Variants in ROBO2 observed in about 807,000 individuals in gnomAD.
ROBO2 encodes the protein roundabout guidance receptor 2.
In ROBO2, 53 loss-of-function variants were observed where a neutral mutation model predicts 160.8. The ratio of observed to expected loss-of-function variants is 0.33; its 90% CI spans 0.26 to 0.41. The LOEUF (loss-of-function observed/expected upper bound fraction) is 0.41. ROBO2 is among the 10% of genes least tolerant of loss of function. The pLI is 1.00. For synonymous variants in ROBO2, 664 were observed against 611.7 expected (o/e 1.09, Z -1.26); for missense variants, 1,577 against 1,722.4 (o/e 0.92, Z 1.49).
chr3:76,029,165 G>GT (rs538033845), intron 2 of ROBO2, among the ~76,000 whole-genome samples: 371 of 151,960 alleles, frequency 2.4e-3, no homozygotes, highest in African/African-American at 8.4e-3. Flanking sequence ...AATATATTTA[G>GT]TTTTTTTGTT....
At chr3:77,060,758 A>C (rs1323979094) in intron 1 of ROBO2, among the ~76,000 whole-genome samples, 4 of 152,168 alleles carry the variant, frequency 2.6e-5, no homozygotes, top group African/African-American at 7.2e-5. Flanking sequence ...ACAGAAGCAA[A>C]GAAACTGAAA....
intron 2 of ROBO2, among the ~76,000 whole-genome samples, chr3:77,213,962 G>GT (rs1304218780): frequency 6.6e-6 from 1 of 152,030 alleles, no homozygotes; most frequent in African/African-American, 2.4e-5. Context: ...TATCATTTCT[G>GT]TTTTTTTACA....
intron 2 of ROBO2, among the ~76,000 whole-genome samples, chr3:76,407,419 A>G (rs1208478221): frequency 1.3e-5 from 2 of 151,974 alleles, no homozygotes; most frequent in Non-Finnish European, 2.9e-5. Flanking sequence ...TTTTTAATTA[A>G]GTCACCAGTG....
chr3:77,014,129 A>C (rs762886465), intron 2 of ROBO2, among the ~76,000 whole-genome samples: 1 of 151,172 alleles, frequency 6.6e-6, no homozygotes, highest in African/African-American at 2.4e-5. Flanking sequence ...CAGTTGTGTG[A>C]AATCTCATTT....
intron 2 of ROBO2, among the ~76,000 whole-genome samples, chr3:77,291,160 T>G (rs2061179993): frequency 1.4e-5 from 2 of 138,208 alleles, no homozygotes; most frequent in Admixed American, 7.5e-5. Flanking sequence ...AACGGGAAGT[T>G]GAGGCTAGAA....
chr3:77,436,392 G>A (rs1311661713), intron 2 of ROBO2, among the ~76,000 whole-genome samples: 1 of 151,662 alleles, frequency 6.6e-6, no homozygotes, highest in African/African-American at 2.4e-5. Flanking sequence ...AACCAGAGGT[G>A]GGTAATGTTG....
At chr3:76,030,648 G>A (rs891988311) in intron 2 of ROBO2, among the ~76,000 whole-genome samples, 5 of 152,104 alleles carry the variant, frequency 3.3e-5, no homozygotes, top group African/African-American at 1.2e-4. Context: ...TCTTGTATTT[G>A]TCAGGTTTGT....
chr3:77,587,576 C>T (rs190853187), intron 16 of ROBO2, among the ~76,000 whole-genome samples: 51 of 152,080 alleles, frequency 3.4e-4, no homozygotes, highest in African/African-American at 1.2e-3. Flanking sequence ...ATGAAGTAGA[C>T]AATACTGGTG....
At chr3:77,498,002 C>T (rs554280371) in intron 5 of ROBO2, among the ~76,000 whole-genome samples, 2 of 151,638 alleles carry the variant, frequency 1.3e-5, no homozygotes, top group Admixed American at 1.3e-4. Context: ...AAAAAAAATC[C>T]CTCTCAGAAC....
At chr3:77,453,704 C>T (rs2081337714) in intron 2 of ROBO2, among the ~76,000 whole-genome samples, 1 of 151,956 alleles carries the variant, frequency 6.6e-6, no homozygotes, top group Non-Finnish European at 1.5e-5. Flanking sequence ...TTGTTTAGTC[C>T]TAGTTTTTGT....
intron 19 of ROBO2, among the ~76,000 whole-genome samples, chr3:77,600,977 A>G (rs2094418388): frequency 6.6e-6 from 1 of 152,176 alleles, no homozygotes; most frequent in South Asian, 2.1e-4. Flanking sequence ...TCTTAAGTAC[A>G]TATCCGCTCA....
chr3:76,401,969 A>G (rs2077849021), intron 2 of ROBO2, among the ~76,000 whole-genome samples: 2 of 151,500 alleles, frequency 1.3e-5, no homozygotes, highest in African/African-American at 4.8e-5. Context: ...TTTGATCAGT[A>G]CGAGAGGATA....
intron 2 of ROBO2, among the ~76,000 whole-genome samples, chr3:76,022,254 C>G (rs1282085379): frequency 1.3e-5 from 2 of 151,758 alleles, no homozygotes; most frequent in Non-Finnish European, 3.0e-5. Context: ...AAGAGTTAAA[C>G]CCCTCAAAGT....
chr3:77,356,119 G>A (rs1237380953), intron 2 of ROBO2, among the ~76,000 whole-genome samples: 1 of 152,140 alleles, frequency 6.6e-6, no homozygotes, highest in Non-Finnish European at 1.5e-5. Flanking sequence ...ATATGTAAAT[G>A]TTGGTTTATT....
At position 76,711,737 on chromosome 3, in the gene ROBO2, CACTT is replaced by C. The variant is rs1017551576; in HGVS notation, c.110-386274_110-386271del. On this transcript the variant is annotated intron_variant, in intron 2 of 26. Transcript: ENST00000487694. The stretch of plus-strand genomic sequence containing the variant: ...TTTCATCATGCACCATGCTGCTTCT[CACTT>C]ACCTGTCATGAAAGCACTCTTTCTG... Among the ~76,000 whole-genome samples, 44 of 152,246 alleles carry C rather than the reference CACTT, an allele frequency of 2.9e-4. 1 individual carries two copies. The highest frequency in any genetic ancestry group is 1.9e-3 in the South Asian group (9 of 4,826).
intron 2 of ROBO2, among the ~76,000 whole-genome samples, chr3:76,231,033 C>T (rs532341949): frequency 1.4e-4 from 22 of 152,142 alleles, no homozygotes; most frequent in Admixed American, 3.3e-4. Context: ...CCTCAGAGCC[C>T]GCGGAAAGAA....
At chr3:77,454,149 T>C (rs1342118698) in intron 2 of ROBO2, among the ~76,000 whole-genome samples, 3 of 151,920 alleles carry the variant, frequency 2.0e-5, no homozygotes, top group African/African-American at 7.3e-5. Flanking sequence ...CTTGCCGGTT[T>C]ATGGTACAAA....
At chr3:77,370,458 T>G (rs1006661922) in intron 2 of ROBO2, among the ~76,000 whole-genome samples, 2 of 152,192 alleles carry the variant, frequency 1.3e-5, no homozygotes, top group African/African-American at 4.8e-5. Context: ...GTTGCCACTC[T>G]CTCTCATTCT....
intron 20 of ROBO2, among the ~76,000 whole-genome samples, chr3:77,605,329 G>A (rs1226708526): frequency 6.6e-6 from 1 of 152,032 alleles, no homozygotes; most frequent in Non-Finnish European, 1.5e-5. Flanking sequence ...GCAAGTAACA[G>A]CAACAGACTG....
Sources: allele counts gnomAD v4.1 joint callset (sites outside exome capture counted in the v4.1 genomes callset), GRCh38; gene constraint gnomAD v4.1.1; transcripts MANE v1.5; gene names NCBI Gene and HGNC (gene_info 2026-07-23, HGNC 2026-07-21).